The following C8B variants were observed in gnomAD, a reference collection of about 807,000 sequenced individuals.
The protein encoded by C8B is complement C8 beta chain.
C8B carries 67 observed loss-of-function variants against 64.6 expected under a neutral mutation model. The observed-to-expected ratio is 1.04, with a 90% CI of 0.85 to 1.27. The LOEUF is 1.27. C8B is among the 50% of genes most tolerant of loss of function. The pLI is 0.00. For synonymous variants in C8B, 284 were observed against 257.7 expected, an observed-to-expected ratio of 1.10 and a Z score of -0.98; for missense variants, 790 against 725.2, an observed-to-expected ratio of 1.09 and a Z score of -1.03.
At chr1:56,965,326 C>A (rs1172623695) in intron 1 of C8B, among the ~76,000 whole-genome samples, 1 of 150,870 alleles carries the variant, frequency 6.6e-6, no homozygotes, top group Non-Finnish European at 1.5e-5. Flanking sequence ...TGGAGACTAA[C>A]AATGATGAAA....
intron 1 of C8B, among the ~76,000 whole-genome samples, chr1:56,963,357 TCA>T (rs1444978733): frequency 6.6e-6 from 1 of 152,222 alleles, no homozygotes; most frequent in African/African-American, 2.4e-5. Flanking sequence ...AACTTTCTTG[TCA>T]CACACAATTT....
At chr1:56,933,973 A>G (rs1348811993) in intron 9 of C8B, among the ~76,000 whole-genome samples, 1 of 152,146 alleles carries the variant, frequency 6.6e-6, no homozygotes, top group African/African-American at 2.4e-5. Flanking sequence ...TAAGCCCTCC[A>G]AACCTATCAA....
At chr1:56,964,627 C>A (rs1645226278) in intron 1 of C8B, among the ~76,000 whole-genome samples, 1 of 152,182 alleles carries the variant, frequency 6.6e-6, no homozygotes, top group Non-Finnish European at 1.5e-5. Flanking sequence ...GGCCCTATGC[C>A]CTGTAGAGCT....
chr1:56,948,970 G>A (rs1286673682), intron 6 of C8B, among the ~76,000 whole-genome samples: 1 of 151,474 alleles, frequency 6.6e-6, no homozygotes, highest in African/African-American at 2.4e-5. Flanking sequence ...ATTAGAGAAG[G>A]TTATCTCTGC....
In C8B at chr1:56,929,499, G is replaced by T; in HGVS notation, c.1681C>A (p.Arg561Ser). 9 of 1,613,740 alleles carry T rather than the reference G, an allele frequency of 5.6e-6. No homozygotes were observed. Among genetic ancestry groups the T allele is most frequent in the Non-Finnish European group, 7.6e-6 (9 of 1,179,866 alleles). Residue 561 changes from arginine to serine, a missense_variant, in exon 12 of 12, where the codon CGT becomes AGT. Arg to Ser is a moderately radical substitution (Grantham distance 110, BLOSUM62 -1). Transcript: ENST00000371237. ...TTACACTGCCTTTGTCTTGTCTTAC[G>T]TCTTCCAGAGCATGAAGACCAATTT... ...WSNWSSCSGR[R>S]KTRQRQCNNP... is the part of the protein sequence containing the mutation.
chr1:56,950,506 G>T (rs933470220), intron 5 of C8B, among the ~76,000 whole-genome samples: 14 of 152,186 alleles, frequency 9.2e-5, no homozygotes, highest in Admixed American at 8.5e-4. Context: ...GCCCTGGAGT[G>T]ACCAGTCCTG....
chr1:56,962,807 T>A (rs1013049260), intron 1 of C8B, among the ~76,000 whole-genome samples: 9 of 152,248 alleles, frequency 5.9e-5, no homozygotes, highest in African/African-American at 2.2e-4. Flanking sequence ...CTCTTTTAGA[T>A]AATTTGATGT....
At chr1:56,933,072 C>A (rs1042947399) in intron 10 of C8B, among the ~76,000 whole-genome samples, 10 of 152,166 alleles carry the variant, frequency 6.6e-5, no homozygotes, top group Non-Finnish European at 1.3e-4. Context: ...GCCCAGGCCC[C>A]CTTTGGGTAG....
chr1:56,937,544 G>A (rs1644792663), intron 9 of C8B, among the ~76,000 whole-genome samples: 1 of 152,088 alleles, frequency 6.6e-6, no homozygotes, highest in Non-Finnish European at 1.5e-5. Flanking sequence ...TACCAGCATA[G>A]GACCCAGCCA....
At position 56,954,830 on chromosome 1, in the gene C8B, A is replaced by G. The variant is rs1160307571; in HGVS notation, c.392-3T>C. On this transcript the variant is annotated splice_polypyrimidine_tract_variant and splice_region_variant and intron_variant, in intron 3 of 11. Transcript: ENST00000371237. Reference sequence around the variant, plus strand: ...AAGTCTGCGGTTTACACACCTTCCTAGAATGGAGAAAGAGTATTACCCACA... The same window carrying G: ...AAGTCTGCGGTTTACACACCTTCCTGGAATGGAGAAAGAGTATTACCCACA... 1 of 1,614,148 alleles carries G rather than the reference A, an allele frequency of 6.2e-7. No homozygotes were observed. The highest frequency in any genetic ancestry group is 1.1e-5 in the South Asian group (1 of 91,086).
intron 9 of C8B, among the ~76,000 whole-genome samples, chr1:56,933,799 A>G (rs1644737598): frequency 6.6e-6 from 1 of 152,234 alleles, no homozygotes; most frequent in Non-Finnish European, 1.5e-5. Context: ...AAACATACCA[A>G]CAGATGGTTA....
intron 11 of C8B, among the ~76,000 whole-genome samples, chr1:56,931,146 A>G (rs1644695588): frequency 1.3e-5 from 2 of 152,356 alleles, no homozygotes; most frequent in Middle Eastern, 3.4e-3. Flanking sequence ...TGAAAGGAAT[A>G]AAAGTGAGAG....
At chr1:56,959,569 G>A (rs1645147308) in intron 2 of C8B, 3 of 1,534,752 alleles carry the variant, frequency 2.0e-6, no homozygotes, top group South Asian at 1.2e-5. Context: ...GAGAGTGAAG[G>A]CCAGAGTCAT....
intron 2 of C8B, chr1:56,959,435 CA>C (rs1199843632): frequency 1.3e-6 from 1 of 774,522 alleles, no homozygotes. Flanking sequence ...GAGGAGGAGT[CA>C]AAAAGCTTTC....
At position 56,931,839 on chromosome 1, in the gene C8B, C is replaced by A. The variant is rs1644706262; in HGVS notation, c.1592G>T (p.Gly531Val). Residue 531 changes from glycine (G) to valine (V), a missense_variant, in exon 11 of 12, where the codon GGC (glycine) becomes GTC (valine). Transcript: ENST00000371237. ...CDCICPVGSQ[G>V]LACEVSYRKN... is the part of the protein sequence containing the mutation. ...CCGATAGGAGACCTCACAGGCTAGG[C>A]CTTGGGATCCAACAGGACAGATGCA... The A allele has an allele frequency of 1.2e-6, 2 of 1,612,232 alleles. No individual in the cohort carries two copies. The highest frequency in any genetic ancestry group is 2.2e-5 in the East Asian group (1 of 44,856).
At chr1:56,931,579 T>C (rs547314907) in intron 11 of C8B, 1 of 472,830 alleles carries the variant, frequency 2.1e-6, no homozygotes, top group Non-Finnish European at 4.0e-6. Context: ...AAGCCACGCA[T>C]TGATATTTCT....
At position 56,965,398 on chromosome 1, in the gene C8B, A is replaced by AGAGAGTGT. The variant is rs1553120321; in HGVS notation, c.92+458_92+459insACACTCTC. 2.2e-3 allele frequency among the ~76,000 whole-genome samples: 313 copies of AGAGAGTGT among 142,672 alleles called. 1 individual carries two copies. The highest frequency in any genetic ancestry group is 5.4e-3 in the Admixed American group (77 of 14,284). 93.6% of individuals were successfully genotyped at this position (142,672 alleles called of 152,430 possible). A position where few individuals can be genotyped will look rare whatever the true frequency, so the allele number is the denominator to read the frequency against. On this transcript the variant is annotated intron_variant, in intron 1 of 11. Transcript: ENST00000371237. ...GGGGGTGAGAGAGAGAGAGAGAGAG[A>AGAGAGTGT]GTGTGTGTGTGTGTGTGTGTGTGTG... is the stretch of plus-strand genomic sequence containing the variant.
intron 3 of C8B, 22 bp downstream of exon 3, chr1:56,956,746 CT>C: frequency 6.2e-7 from 1 of 1,612,820 alleles, no homozygotes; most frequent in Non-Finnish European, 8.5e-7. Context: ...GCTTTCCCCT[CT>C]TACTCCTACA....
intron 9 of C8B, among the ~76,000 whole-genome samples, chr1:56,939,081 C>G (rs1644813813): frequency 6.6e-6 from 1 of 152,196 alleles, no homozygotes; most frequent in South Asian, 2.1e-4. Context: ...ATTCTCAGTG[C>G]CCAGGTAGGC....
Sources: gnomAD v4.1 joint callset for allele counts (sites outside exome capture counted in the v4.1 genomes callset) on GRCh38, gnomAD v4.1.1 for gene constraint, MANE v1.5 for transcripts, NCBI Gene and HGNC (gene_info 2026-07-23, HGNC 2026-07-21) for gene names.